TMEM132B: variants seen among roughly 807,000 people sequenced by gnomAD.
The protein encoded by TMEM132B is transmembrane protein 132B.
Under a neutral mutation model 90.8 loss-of-function variants are expected in TMEM132B, and 18 were observed. The observed-to-expected ratio is 0.20, with a 90% CI of 0.14 to 0.29. The LOEUF (loss-of-function observed/expected upper bound fraction) is 0.29. TMEM132B is among the 10% of genes least tolerant of loss of function. The probability of loss-of-function intolerance (pLI) is 1.00; values close to 1 mark genes in which losing one functional copy is unlikely to be tolerated. For missense variants in TMEM132B, 1,096 were observed against 1,326.8 expected (o/e 0.83, Z 2.70); for synonymous variants, 504 against 523.3 (o/e 0.96, Z 0.50).
intron 2 of TMEM132B, among the ~76,000 whole-genome samples, chr12:125,374,979 A>G (rs1458950383): frequency 6.6e-6 from 1 of 152,206 alleles, no homozygotes; most frequent in Non-Finnish European, 1.5e-5. Flanking sequence ...GAGCAGCTTA[A>G]TAAAGCCCCT....
chr12:125,565,680 C>T (rs1041901098), intron 4 of TMEM132B, among the ~76,000 whole-genome samples: 20 of 152,244 alleles, frequency 1.3e-4, no homozygotes, highest in Middle Eastern at 3.4e-3. Context: ...ATGTCCTCTC[C>T]GACTGCCCCC....
chr12:125,660,924 T>C lies in TMEM132B; in HGVS notation c.*6214T>C, dbSNP rs1309952955. The C allele has an allele frequency of 1.3e-5, 2 of 152,244 alleles. No individual in the cohort carries two copies. The highest frequency in any genetic ancestry group is 4.8e-5 in the African/African-American group (2 of 41,464). The allele number at this position is 152,244 out of a possible 1,614,324, so 9.4% of individuals were successfully genotyped here. On this transcript the variant is annotated 3_prime_UTR_variant, in exon 9 of 9. Transcript: ENST00000682704. ...CATTGCCCATTGGAGTAAAGCACTTTACAGAGAGATGGATGCCGCTTTGGG... is the reference window on the plus strand; with the variant it reads ...CATTGCCCATTGGAGTAAAGCACTTCACAGAGAGATGGATGCCGCTTTGGG...
chr12:125,584,414 C>T (rs184445560), intron 5 of TMEM132B: 9 of 176,456 alleles, frequency 5.1e-5, no homozygotes, highest in African/African-American at 9.5e-5. Flanking sequence ...TTGCTTCTTT[C>T]GGGTAGCCAG....
chr12:125,284,099 T>A (rs1593068241), intron 1 of TMEM132B, among the ~76,000 whole-genome samples: 1 of 152,204 alleles, frequency 6.6e-6, no homozygotes, highest in Non-Finnish European at 1.5e-5. Context: ...ACTGTCTAGG[T>A]AGAGGTAAGA....
At chr12:125,416,734 C>T (rs1271042426) in intron 3 of TMEM132B, among the ~76,000 whole-genome samples, 1 of 152,224 alleles carries the variant, frequency 6.6e-6, no homozygotes, top group African/African-American at 2.4e-5. Context: ...CCAAAGCATT[C>T]CATTAGGAAT....
chr12:125,330,424 C>T (rs1876732389), intron 1 of TMEM132B, among the ~76,000 whole-genome samples: 3 of 144,572 alleles, frequency 2.1e-5, no homozygotes, highest in Admixed American at 6.9e-5. Context: ...TTCTATTGCT[C>T]AAGAAAAAAG....
At chr12:125,591,376 C>A (rs1885313345) in intron 5 of TMEM132B, among the ~76,000 whole-genome samples, 1 of 152,080 alleles carries the variant, frequency 6.6e-6, no homozygotes, top group African/African-American at 2.4e-5. Context: ...AAGCCAGCAG[C>A]GTAGCATCTC....
At chr12:125,508,817 C>T (rs1215953706) in intron 3 of TMEM132B, among the ~76,000 whole-genome samples, 6 of 146,610 alleles carry the variant, frequency 4.1e-5, no homozygotes, top group South Asian at 2.2e-4. Flanking sequence ...CTCACTCTGT[C>T]GCCCAGCCTG....
At chr12:125,191,349 C>T (rs1374350428) in intron 1 of TMEM132B, among the ~76,000 whole-genome samples, 1 of 152,100 alleles carries the variant, frequency 6.6e-6, no homozygotes, top group Non-Finnish European at 1.5e-5. Flanking sequence ...ACCACTCTGG[C>T]AAGTGGACAC....
At chr12:125,571,613 C>A (rs749882547) in intron 4 of TMEM132B, among the ~76,000 whole-genome samples, 1 of 152,184 alleles carries the variant, frequency 6.6e-6, no homozygotes, top group Non-Finnish European at 1.5e-5. Context: ...ATCTCTGTTG[C>A]CTGTTCTCTT....
chr12:125,299,515 G>A (rs1350714470), intron 1 of TMEM132B, among the ~76,000 whole-genome samples: 1 of 152,156 alleles, frequency 6.6e-6, no homozygotes, highest in African/African-American at 2.4e-5. Flanking sequence ...GATGGCGCCT[G>A]CTTCACCCTT....
chr12:125,322,056 C>A (rs1013117488), intron 1 of TMEM132B, among the ~76,000 whole-genome samples: 1 of 152,192 alleles, frequency 6.6e-6, no homozygotes, highest in African/African-American at 2.4e-5. Flanking sequence ...CAAAGGTCTT[C>A]ATACTGTGTG....
intron 1 of TMEM132B, among the ~76,000 whole-genome samples, chr12:125,336,427 G>A (rs376640969): frequency 2.6e-5 from 4 of 152,218 alleles, no homozygotes; most frequent in African/African-American, 7.2e-5. Context: ...TGATGACACT[G>A]CTTCACTGCT....
chr12:125,304,378 A>G (rs1875904662), intron 1 of TMEM132B, among the ~76,000 whole-genome samples: 1 of 151,950 alleles, frequency 6.6e-6, no homozygotes. Context: ...AGTCCAATTT[A>G]TTTATTTTGG....
intron 2 of TMEM132B, among the ~76,000 whole-genome samples, chr12:125,359,439 C>T (rs977041010): frequency 6.6e-6 from 1 of 151,826 alleles, no homozygotes; most frequent in African/African-American, 2.4e-5. Context: ...GTTATATTGG[C>T]TACAAAAAAG....
At chr12:125,449,259 G>A (rs113668854) in intron 3 of TMEM132B, among the ~76,000 whole-genome samples, 3,806 of 152,144 alleles carry the variant, frequency 0.025, 126 homozygotes, top group Admixed American at 0.095. Context: ...GAGCCACCGC[G>A]CCTGGCCCAT....
At chr12:125,296,741 A>G (rs1167520608) in intron 1 of TMEM132B, among the ~76,000 whole-genome samples, 1 of 152,172 alleles carries the variant, frequency 6.6e-6, no homozygotes, top group Non-Finnish European at 1.5e-5. Context: ...ATTGGCTGCA[A>G]AGTGTCTTTC....
At chr12:125,522,729 C>A (rs1479707756) in intron 4 of TMEM132B, among the ~76,000 whole-genome samples, 1 of 152,192 alleles carries the variant, frequency 6.6e-6, no homozygotes, top group Non-Finnish European at 1.5e-5. Context: ...CCGAGGAAGC[C>A]ACCAATGCTG....
intron 1 of TMEM132B, among the ~76,000 whole-genome samples, chr12:125,190,926 T>G (rs868430320): frequency 6.2e-5 from 1 of 16,260 alleles, no homozygotes; most frequent in Non-Finnish European, 1.2e-4. Flanking sequence ...GAAGGGGTGG[T>G]GATGGTGACG....
Sources: gnomAD v4.1 joint callset for allele counts (sites outside exome capture counted in the v4.1 genomes callset) on GRCh38, gnomAD v4.1.1 for gene constraint, MANE v1.5 for transcripts, NCBI Gene and HGNC (gene_info 2026-07-23, HGNC 2026-07-21) for gene names.